GOLGA8S: variants seen among roughly 807,000 people sequenced by gnomAD.
GOLGA8S encodes golgin A8 family member S.
A neutral mutation model predicts 58.9 loss-of-function variants in GOLGA8S; 23 were observed. That is an observed-to-expected ratio of 0.39 (90% CI 0.28 to 0.55). GOLGA8S has a LOEUF of 0.55. GOLGA8S is among the 20% of genes least tolerant of loss of function. The probability of loss-of-function intolerance (pLI) is 0.63; values close to 1 mark genes in which losing one functional copy is unlikely to be tolerated. For synonymous variants in GOLGA8S, 84 were observed against 195.7 expected (o/e 0.43, Z 4.76); for missense variants, 266 against 514.2 (o/e 0.52, Z 4.67).
rs1413407262 is a variant in GOLGA8S, at chr15:23,355,008, C to T, written c.48+115C>T. The T allele has an allele frequency of 5.6e-5, 23 of 411,322 alleles. 6 individuals carry two copies. The highest frequency in any genetic ancestry group is 1.2e-4 in the African/African-American group (4 of 32,910). 25.5% of individuals were successfully genotyped at this position (411,322 alleles called of 1,614,324 possible). A position where few individuals can be genotyped will look rare whatever the true frequency, so the allele number is the denominator to read the frequency against. On this transcript the variant is annotated intron_variant, in intron 1 of 18. Coordinates refer to ENST00000562295, the Ensembl canonical transcript of GOLGA8S. Reference sequence around the variant, plus strand: ...GTTCACCGGACTGGGGCCCCCACACCAGTGCCTCTGGGCTACCCCCACCAA... The same window carrying T: ...GTTCACCGGACTGGGGCCCCCACACTAGTGCCTCTGGGCTACCCCCACCAA...
At chr15:23,366,196 T>C (rs2069919502), downstream of GOLGA8S, 1 of 151,736 alleles carries the variant, frequency 6.6e-6, no homozygotes. Context: ...ATACAGGCTC[T>C]AGTCAAGAAT....
At chr15:23,366,170 T>C (rs553659659), downstream of GOLGA8S, 111 of 151,920 alleles carry the variant, frequency 7.3e-4, 1 homozygote, top group African/African-American at 2.5e-3. Flanking sequence ...CGAGTTCAAA[T>C]GTCCCTGGAA....
At chr15:23,365,490 T>C (rs1001237685), downstream of GOLGA8S, 1 of 382,930 alleles carries the variant, frequency 2.6e-6, no homozygotes, top group African/African-American at 2.1e-5. Context: ...TGCCATGCTT[T>C]TTTAATGTTA....
At chr15:23,365,155 C>A, downstream of GOLGA8S, 2 of 1,586,082 alleles carry the variant, frequency 1.3e-6, no homozygotes, top group African/African-American at 2.7e-5. Flanking sequence ...CATCAAAGAG[C>A]TGCTCAAGAA....
At chr15:23,364,471 G>A in intron 16 of GOLGA8S, 28 bp downstream of exon 16, 2 of 1,604,556 alleles carry the variant, frequency 1.2e-6, no homozygotes, top group Non-Finnish European at 1.7e-6. Context: ...GCACAGCAGG[G>A]GGAGCTACAG....
intron 4 of GOLGA8S, among the ~76,000 whole-genome samples, chr15:23,358,175 T>C (rs1360601655): frequency 6.6e-6 from 1 of 152,282 alleles, no homozygotes; most frequent in Non-Finnish European, 1.5e-5. Flanking sequence ...CTTTTCTAAA[T>C]CACAAGCTGG....
chr15:23,356,186 T>C (rs2069685706), intron 1 of GOLGA8S, among the ~76,000 whole-genome samples: 1 of 144,362 alleles, frequency 6.9e-6, no homozygotes, highest in African/African-American at 2.5e-5. Context: ...GACACATTGA[T>C]ATAAGAGTTT....
chr15:23,362,203 T>C (rs1182983218), intron 13 of GOLGA8S, among the ~76,000 whole-genome samples: 1 of 148,590 alleles, frequency 6.7e-6, no homozygotes, highest in Non-Finnish European at 1.5e-5. Flanking sequence ...CTACTAAAAT[T>C]ACAAAAACAA....
intron 1 of GOLGA8S, among the ~76,000 whole-genome samples, chr15:23,356,282 A>C (rs1194843584): frequency 6.9e-6 from 1 of 144,562 alleles, no homozygotes; most frequent in Non-Finnish European, 1.6e-5. Flanking sequence ...TGCCTACTTA[A>C]TGTTTACTTT....
chr15:23,364,318 T>C (rs770908336), intron 15 of GOLGA8S, 25 bp from the exon 16 acceptor site: 1 of 1,598,250 alleles, frequency 6.3e-7, no homozygotes, highest in Admixed American at 1.7e-5. Context: ...GCTGCCGAGA[T>C]GTGACTACAA....
At chr15:23,366,225 G>T (rs2069919898), downstream of GOLGA8S, 1 of 151,494 alleles carries the variant, frequency 6.6e-6, no homozygotes, top group Non-Finnish European at 1.5e-5. Context: ...GTGAAGGAAA[G>T]CTGTGTGACA....
intron 8 of GOLGA8S, among the ~76,000 whole-genome samples, chr15:23,359,966 A>C (rs2069757693): frequency 6.7e-6 from 1 of 149,578 alleles, no homozygotes; most frequent in Admixed American, 6.7e-5. Context: ...AGCACTCCAT[A>C]AAAGTTCAAA....
At chr15:23,361,169 C>CTTTTCTTTTCTTTTCTTTTCT (rs1555463281) in intron 11 of GOLGA8S, 52 bp from the exon 12 acceptor site, 23 of 720,652 alleles carry the variant, frequency 3.2e-5, no homozygotes, top group Middle Eastern at 4.3e-4. Flanking sequence ...CTTTTCTTTT[C>CTTTTCTTTTCTTTTCTTTTCT]TTTTTTTTTT....
chr15:23,358,203 C>G (rs1296216801), intron 4 of GOLGA8S, among the ~76,000 whole-genome samples: 1 of 152,296 alleles, frequency 6.6e-6, no homozygotes, highest in African/African-American at 2.4e-5. Flanking sequence ...GGGGGCCTTT[C>G]TCAAACTCCA....
chr15:23,357,788 T>C (rs1261636291), intron 4 of GOLGA8S, among the ~76,000 whole-genome samples, 169 bp downstream of exon 4: 3 of 148,944 alleles, frequency 2.0e-5, no homozygotes, highest in African/African-American at 5.0e-5. Context: ...CATGGCTCTT[T>C]TTTTGCTGCC....
At chr15:23,355,093 A>G (rs1306275723) in intron 1 of GOLGA8S, among the ~76,000 whole-genome samples, 200 bp downstream of exon 1, 1 of 66,272 alleles carries the variant, frequency 1.5e-5, no homozygotes, top group African/African-American at 5.7e-5. Context: ...CTCACCAATC[A>G]CCCCAGGGTG....
At chr15:23,361,141 T>TG (rs2069785495) in intron 11 of GOLGA8S, 80 bp from the exon 12 acceptor site, 1 of 947,862 alleles carries the variant, frequency 1.1e-6, no homozygotes, top group African/African-American at 2.7e-5. Context: ...GGTTTTTTCT[T>TG]TTCTTTTCTT....
chr15:23,358,237 C>T (rs2069719073), intron 4 of GOLGA8S, among the ~76,000 whole-genome samples: 1 of 152,302 alleles, frequency 6.6e-6, no homozygotes, highest in Non-Finnish European at 1.5e-5. Flanking sequence ...ATATTGCTGT[C>T]CTCTCAAGAG....
At chr15:23,368,021 A>T (rs1040480212), downstream of GOLGA8S, among the ~76,000 whole-genome samples, 1 of 151,992 alleles carries the variant, frequency 6.6e-6, no homozygotes, top group Non-Finnish European at 1.5e-5. Context: ...TCATTTTAAA[A>T]TAATATAACT....
Sources: allele counts gnomAD v4.1 joint callset (sites outside exome capture counted in the v4.1 genomes callset), GRCh38; gene constraint gnomAD v4.1.1; transcripts MANE v1.5; gene names NCBI Gene and HGNC (gene_info 2026-07-23, HGNC 2026-07-21).